The following GALNTL6 variants were observed in gnomAD, a reference collection of about 807,000 sequenced individuals.
GALNTL6 encodes the protein polypeptide N-acetylgalactosaminyltransferase like 6, also known as polypeptide N-acetylgalactosaminyltransferase-like 6.
A neutral mutation model predicts 73.7 loss-of-function variants in GALNTL6; 46 were observed. That is an observed-to-expected ratio of 0.62 (90% CI 0.49 to 0.80). GALNTL6 has a LOEUF of 0.80. Ranked by LOEUF, GALNTL6 falls within the 30% of genes least tolerant of loss-of-function variation. The pLI is 0.00. For missense variants in GALNTL6, 604 were observed against 755.0 expected (o/e 0.80, Z 2.34); for synonymous variants, 259 against 263.7 (o/e 0.98, Z 0.17).
intron 10 of GALNTL6, among the ~76,000 whole-genome samples, chr4:172,975,733 A>T (rs1370377311): frequency 1.3e-5 from 2 of 152,054 alleles, no homozygotes; most frequent in Admixed American, 1.3e-4. Context: ...CTCATCGGCG[A>T]GGGGGCTAAG....
intron 8 of GALNTL6, among the ~76,000 whole-genome samples, chr4:172,889,387 A>G (rs936652639): frequency 6.6e-6 from 1 of 152,098 alleles, no homozygotes; most frequent in African/African-American, 2.4e-5. Context: ...GATGTTGGCT[A>G]TGGGTTTATC....
intron 5 of GALNTL6, among the ~76,000 whole-genome samples, chr4:172,787,338 G>A (rs78817770): frequency 0.012 from 1,839 of 152,176 alleles, 20 homozygotes; most frequent in South Asian, 0.041. Context: ...GATAGATCAG[G>A]GTTTCTTAAT....
At chr4:172,808,115 G>T (rs762577458) in intron 5 of GALNTL6, among the ~76,000 whole-genome samples, 2 of 152,172 alleles carry the variant, frequency 1.3e-5, no homozygotes, top group Non-Finnish European at 2.9e-5. Context: ...GAGCCACCAT[G>T]CCCGGCCCCA....
intron 5 of GALNTL6, among the ~76,000 whole-genome samples, chr4:172,595,417 A>T (rs1028053431): frequency 1.3e-5 from 2 of 152,178 alleles, no homozygotes; most frequent in Non-Finnish European, 2.9e-5. Context: ...ATAATGCTTT[A>T]TACTCAGGCA....
chr4:172,514,703 C>T (rs1734540394), intron 5 of GALNTL6, among the ~76,000 whole-genome samples: 1 of 152,192 alleles, frequency 6.6e-6, no homozygotes, highest in South Asian at 2.1e-4. Context: ...GGCAACGCTC[C>T]CCAAGGGCCC....
intron 5 of GALNTL6, among the ~76,000 whole-genome samples, chr4:172,639,758 T>C (rs1182039350): frequency 6.6e-6 from 1 of 152,080 alleles, no homozygotes; most frequent in Non-Finnish European, 1.5e-5. Context: ...CCCACCATAA[T>C]ATCTACTTGC....
chr4:171,942,241 G>GATAAATAAATAAATAAATAA (rs994011783), intron 2 of GALNTL6, among the ~76,000 whole-genome samples: 1 of 30,154 alleles, frequency 3.3e-5, no homozygotes, highest in Non-Finnish European at 2.1e-4. Context: ...AAAATAAATA[G>GATAAATAAATAAATAAATAA]ATAAATAAAT....
intron 5 of GALNTL6, among the ~76,000 whole-genome samples, chr4:172,372,691 T>A (rs1046544227): frequency 2.0e-5 from 3 of 151,640 alleles, no homozygotes; most frequent in African/African-American, 7.2e-5. Context: ...AACTAGGGCC[T>A]GCTTTAAGGT....
At chr4:171,876,216 A>T (rs1428526627) in intron 2 of GALNTL6, among the ~76,000 whole-genome samples, 1 of 152,216 alleles carries the variant, frequency 6.6e-6, no homozygotes, top group Non-Finnish European at 1.5e-5. Flanking sequence ...GCTATGGAAC[A>T]GATTCTGATA....
At chr4:172,898,617 T>C (rs530591547) in intron 8 of GALNTL6, among the ~76,000 whole-genome samples, 110 of 152,294 alleles carry the variant, frequency 7.2e-4, no homozygotes, top group Non-Finnish European at 1.4e-3. Context: ...TAACCAGTTA[T>C]TGCTGAGGGA....
intron 5 of GALNTL6, among the ~76,000 whole-genome samples, chr4:172,490,143 T>C (rs972406203): frequency 3.1e-4 from 47 of 152,158 alleles, no homozygotes; most frequent in African/African-American, 1.1e-3. Context: ...ATAAACTCCA[T>C]GGTTTCCCAC....
chr4:172,554,860 GC>G (rs1736087664), intron 5 of GALNTL6, among the ~76,000 whole-genome samples: 1 of 152,050 alleles, frequency 6.6e-6, no homozygotes, highest in Non-Finnish European at 1.5e-5. Flanking sequence ...TATAAATAAT[GC>G]CACTATGATC....
At chr4:172,234,094 T>C (rs72998397) in intron 3 of GALNTL6, among the ~76,000 whole-genome samples, 3 of 152,050 alleles carry the variant, frequency 2.0e-5, no homozygotes, top group African/African-American at 2.4e-5. Context: ...AACACTGATA[T>C]GAATTTAGAA....
At chr4:172,291,827 A>C (rs1179632229) in intron 3 of GALNTL6, among the ~76,000 whole-genome samples, 10 of 152,116 alleles carry the variant, frequency 6.6e-5, no homozygotes, top group African/African-American at 2.4e-4. Flanking sequence ...TTCTGCCAAA[A>C]TTATATTTTA....
At chr4:172,141,970 A>G (rs1733815185) in intron 2 of GALNTL6, among the ~76,000 whole-genome samples, 1 of 151,878 alleles carries the variant, frequency 6.6e-6, no homozygotes, top group Non-Finnish European at 1.5e-5. Context: ...TGAGAAAAAT[A>G]ACATGTCATA....
At chr4:172,730,472 C>A (rs545527292) in intron 5 of GALNTL6, among the ~76,000 whole-genome samples, 1 of 152,288 alleles carries the variant, frequency 6.6e-6, no homozygotes, top group South Asian at 2.1e-4. Flanking sequence ...GCTTTTGAGG[C>A]ATCTGTTGAA....
At chr4:171,917,929 A>T (rs2110973405) in intron 2 of GALNTL6, among the ~76,000 whole-genome samples, 1 of 152,222 alleles carries the variant, frequency 6.6e-6, no homozygotes, top group South Asian at 2.1e-4. Context: ...TACTTGCCCA[A>T]GTCCTGTCAA....
chr4:172,831,071 A>AG (rs1742601905), intron 7 of GALNTL6, among the ~76,000 whole-genome samples: 1 of 143,598 alleles, frequency 7.0e-6, no homozygotes. Flanking sequence ...AGGCAAGAGA[A>AG]AGCTTGAACC....
At chr4:172,618,193 C>T (rs1227897348) in intron 5 of GALNTL6, among the ~76,000 whole-genome samples, 1 of 152,156 alleles carries the variant, frequency 6.6e-6, no homozygotes, top group East Asian at 1.9e-4. Flanking sequence ...TTAGCCCTGG[C>T]AGCAAAAGGG....
Sources: allele counts gnomAD v4.1 joint callset (sites outside exome capture counted in the v4.1 genomes callset), GRCh38; gene constraint gnomAD v4.1.1; transcripts MANE v1.5; gene names NCBI Gene and HGNC (gene_info 2026-07-23, HGNC 2026-07-21).